Variants in FAM76A observed in about 807,000 individuals in gnomAD.
The protein encoded by FAM76A is protein FAM76A.
In FAM76A, 32 loss-of-function variants were observed where a neutral mutation model predicts 46.2. The observed-to-expected ratio is 0.69, with a 90% CI of 0.52 to 0.93. The LOEUF is 0.93. Ranked by LOEUF, FAM76A falls within the 40% of genes least tolerant of loss-of-function variation. The pLI, the probability that FAM76A is intolerant of heterozygous loss-of-function variation, is 0.00. For missense variants in FAM76A, 274 were observed against 361.5 expected (o/e 0.76, Z 1.96); for synonymous variants, 137 against 127.0 (o/e 1.08, Z -0.53).
chr1:27,737,886 AAAAAAAC>A (rs2088080960), intron 4 of FAM76A, among the ~76,000 whole-genome samples: 1 of 149,840 alleles, frequency 6.7e-6, no homozygotes, highest in Non-Finnish European at 1.5e-5. Context: ...AAAAAAAAAA[AAAAAAAC>A]AGAAAAAAAA....
chr1:27,744,517 C>T, intron 4 of FAM76A, 137 bp from the exon 5 acceptor site: 3 of 793,272 alleles, frequency 3.8e-6, no homozygotes, highest in Non-Finnish European at 6.3e-6. Flanking sequence ...TTGTAGCAGC[C>T]CCCTGTGACA....
intron 4 of FAM76A, among the ~76,000 whole-genome samples, chr1:27,736,852 A>G (rs2088055312): frequency 1.3e-5 from 2 of 152,140 alleles, no homozygotes; most frequent in South Asian, 4.1e-4. Context: ...ACCTCAAACT[A>G]CTGACCTCAA....
chr1:27,734,837 C>A (rs1294110385), intron 4 of FAM76A, among the ~76,000 whole-genome samples: 3 of 152,180 alleles, frequency 2.0e-5, no homozygotes, highest in Non-Finnish European at 4.4e-5. Flanking sequence ...TATCTGTTGG[C>A]TCTTTAAATG....
chr1:27,753,484 C>G (rs2088362876), intron 6 of FAM76A, among the ~76,000 whole-genome samples: 1 of 152,162 alleles, frequency 6.6e-6, no homozygotes, highest in South Asian at 2.1e-4. Context: ...TGTAATAGGT[C>G]CTTTCAGTAC....
In FAM76A at chr1:27,734,255, C is replaced by T; in HGVS notation, c.354+72C>T. The T allele has an allele frequency of 2.0e-6, 3 of 1,482,108 alleles. No homozygotes were observed. The South Asian group carries it at 4.1e-5, about 20-fold the overall frequency. The allele number at this position is 1,482,108 out of a possible 1,614,324, so 91.8% of individuals were successfully genotyped here. On this transcript the variant is annotated intron_variant, in intron 4 of 8. Transcript: ENST00000373954. ...TAAGGTGGACTAACTGTGTTAAAAA[C>T]ACATTTAATAGGCCGGGCGTGGTGG...
intron 2 of FAM76A, among the ~76,000 whole-genome samples, chr1:27,730,740 CTT>C (rs2087942994): frequency 6.6e-6 from 1 of 152,048 alleles, no homozygotes; most frequent in Non-Finnish European, 1.5e-5. Flanking sequence ...TGAGGTTTTT[CTT>C]TTGTCTATTT....
chr1:27,758,664 G>C (rs570450116), intron 7 of FAM76A, among the ~76,000 whole-genome samples: 1 of 149,060 alleles, frequency 6.7e-6, no homozygotes, highest in East Asian at 1.9e-4. Flanking sequence ...ACCACACCCA[G>C]CTATTTTAAT....
intron 1 of FAM76A, 105 bp from the exon 2 acceptor site, chr1:27,727,367 T>C: frequency 1.1e-6 from 1 of 880,036 alleles, no homozygotes; most frequent in Non-Finnish European, 1.9e-6. Context: ...AGTGACTCAC[T>C]CAAGCATAGT....
intron 4 of FAM76A, chr1:27,740,302 A>C: frequency 1.2e-6 from 1 of 845,944 alleles, no homozygotes; most frequent in Non-Finnish European, 2.0e-6. Context: ...CTTACCATCA[A>C]ACCAGGAACT....
chr1:27,742,052 G>A (rs1293604754), intron 4 of FAM76A, among the ~76,000 whole-genome samples: 1 of 152,116 alleles, frequency 6.6e-6, no homozygotes, highest in Non-Finnish European at 1.5e-5. Context: ...AAAGAAGTGA[G>A]TAGATTCAGA....
chr1:27,734,095 C>T lies in FAM76A; in HGVS notation c.266C>T (p.Thr89Ile). 6.2e-7 allele frequency: 1 copy of T among 1,612,648 alleles called. No homozygotes were observed. The highest frequency in any genetic ancestry group is 1.7e-4 in the Middle Eastern group (1 of 6,058). Residue 89 changes from threonine to isoleucine, a missense_variant, in exon 4 of 9, where the codon ACA becomes ATA. Transcript: ENST00000373954. ...ATTGGGAATAAATGCCAGCGCTGCA[C>T]AAATTCAGAAAAGAAGTATGGACCA... The part of the protein sequence containing the change: ...AFIGNKCQRC[T>I]NSEKKYGPPY...
intron 4 of FAM76A, chr1:27,740,424 C>T: frequency 6.8e-7 from 1 of 1,461,376 alleles, no homozygotes; most frequent in Non-Finnish European, 9.6e-7. Context: ...GCCAAACATT[C>T]ACTGGTTGAG....
rs1239228130 is a variant in FAM76A at position 27,761,168 on chromosome 1, A to T, written c.*587A>T. Reference sequence around the variant, plus strand: ...TATGTATGAACTTTGTACTATGTATAGCCAGAGTTTTATTTATTTTTTAAA... The same window carrying T: ...TATGTATGAACTTTGTACTATGTATTGCCAGAGTTTTATTTATTTTTTAAA... On this transcript the variant is annotated 3_prime_UTR_variant, in exon 9 of 9. Transcript: ENST00000373954. The T allele has an allele frequency of 6.6e-6, 1 of 152,152 alleles. No individual in the cohort carries two copies. The highest frequency in any genetic ancestry group is 2.4e-5 in the African/African-American group (1 of 41,358). The allele number at this position is 152,152 out of a possible 1,614,324, so 9.4% of individuals were successfully genotyped here. A position where few individuals can be genotyped will look rare whatever the true frequency, so the allele number is the denominator to read the frequency against.
chr1:27,742,070 A>G (rs2088164913), intron 4 of FAM76A, among the ~76,000 whole-genome samples: 1 of 152,136 alleles, frequency 6.6e-6, no homozygotes, highest in Non-Finnish European at 1.5e-5. Flanking sequence ...AGACTGATGG[A>G]CTTACTGATG....
At position 27,759,626 on chromosome 1, in the gene FAM76A, A is replaced by C. The variant is rs1301570976; in HGVS notation, c.836A>C (p.Gln279Pro). The C allele has an allele frequency of 6.2e-7, 1 of 1,608,744 alleles. No individual in the cohort carries two copies. The highest frequency in any genetic ancestry group is 8.5e-7 in the Non-Finnish European group (1 of 1,175,538). ...KTHKEVTEQL[Q>P]AKNRELLKQA... ...CACAAAGAAGTCACAGAACAACTGC[A>C]GGTGACTGACTCTGCTTATTTTATG... The change falls in exon 8 of 9, where the codon CAG becomes CCG. Residue 279 changes from glutamine (Q) to proline (P), a missense_variant and splice_region_variant. Coordinates refer to ENST00000373954, the MANE Select transcript of FAM76A (RefSeq NM_152660.3).
chr1:27,761,919 C>T lies in FAM76A; in HGVS notation c.*1338C>T, dbSNP rs1172900284. 2.0e-5 allele frequency: 3 copies of T among 147,532 alleles called. No homozygotes were observed. Among genetic ancestry groups the T allele is most frequent in the Non-Finnish European group, 2.9e-5 (2 of 67,844 alleles). 9.1% of individuals were successfully genotyped at this position (147,532 alleles called of 1,614,324 possible). On this transcript the variant is annotated 3_prime_UTR_variant, in exon 9 of 9. Coordinates refer to ENST00000373954, the MANE Select transcript of FAM76A (RefSeq NM_152660.3). The stretch of plus-strand genomic sequence containing the variant: ...GGCAGAGGTTGCAATGAGCTGAAAT[C>T]GCAACACTGCACTGCAGCCTGGGCA...
chr1:27,753,112 GGTT>G (rs1370714303), intron 6 of FAM76A, among the ~76,000 whole-genome samples: 1 of 152,214 alleles, frequency 6.6e-6, no homozygotes, highest in Non-Finnish European at 1.5e-5. Context: ...GTGAGCTGGA[GGTT>G]GTGGTGAGCC....
chr1:27,732,581 G>A, intron 2 of FAM76A, 22 bp from the exon 3 acceptor site: 1 of 1,597,704 alleles, frequency 6.3e-7, no homozygotes, highest in Non-Finnish European at 8.6e-7. Context: ...AGAAAAGCCT[G>A]TGTCTCTTTC....
intron 4 of FAM76A, among the ~76,000 whole-genome samples, chr1:27,737,416 T>C (rs2088067771): frequency 6.6e-6 from 1 of 152,166 alleles, no homozygotes; most frequent in African/African-American, 2.4e-5. Flanking sequence ...CAGGGTGTTT[T>C]AAAATTATGC....
Sources: allele counts gnomAD v4.1 joint callset (sites outside exome capture counted in the v4.1 genomes callset), GRCh38; gene constraint gnomAD v4.1.1; transcripts MANE v1.5; gene names NCBI Gene and HGNC (gene_info 2026-07-23, HGNC 2026-07-21).